MEAF6: variants seen among roughly 807,000 people sequenced by gnomAD.
The protein encoded by MEAF6 is MYST/Esa1 associated factor 6.
In MEAF6, 15 loss-of-function variants were observed where a neutral mutation model predicts 28.9. The observed-to-expected ratio is 0.52, with a 90% CI of 0.35 to 0.80. The LOEUF (loss-of-function observed/expected upper bound fraction) is 0.80. MEAF6 is among the 30% of genes least tolerant of loss of function. MEAF6 has a pLI of 0.01. For synonymous variants in MEAF6, 97 were observed against 88.7 expected (o/e 1.09, Z -0.53); for missense variants, 178 against 237.5 (o/e 0.75, Z 1.65).
chr1:37,508,191 A>C (rs570253595), intron 4 of MEAF6, among the ~76,000 whole-genome samples: 1 of 151,476 alleles, frequency 6.6e-6, no homozygotes, highest in South Asian at 2.1e-4. Flanking sequence ...ATAAGATATA[A>C]TTCGTTTACA....
At position 37,494,227 on chromosome 1, in the gene MEAF6, T is replaced by C. The variant is rs1369021013; in HGVS notation, c.568-120A>G. 4 of 859,336 alleles carry C rather than the reference T, an allele frequency of 4.7e-6. 1 individual carries two copies. The African/African-American group carries it at 6.8e-5, about 15-fold the overall frequency. 53.2% of individuals were successfully genotyped at this position (859,336 alleles called of 1,614,324 possible). A position where few individuals can be genotyped will look rare whatever the true frequency, so the allele number is the denominator to read the frequency against. ...GGGACTGCTCTATAGCTAAAGATTATATTTCAGGCCAGGCACAGTGGCTCA... is the reference window on the plus strand; with the variant it reads ...GGGACTGCTCTATAGCTAAAGATTACATTTCAGGCCAGGCACAGTGGCTCA... On this transcript the variant is annotated intron_variant, in intron 6 of 6. Coordinates refer to ENST00000296214, the MANE Select transcript of MEAF6 (RefSeq NM_001270875.3).
At chr1:37,510,976 T>A (rs1642651294) in intron 2 of MEAF6, among the ~76,000 whole-genome samples, 1 of 152,158 alleles carries the variant, frequency 6.6e-6, no homozygotes, top group Non-Finnish European at 1.5e-5. Flanking sequence ...CGCCTCGGCC[T>A]CCCAAAGTGC....
chr1:37,511,560 A>G (rs1642671779), intron 2 of MEAF6, among the ~76,000 whole-genome samples: 1 of 152,232 alleles, frequency 6.6e-6, no homozygotes, highest in African/African-American at 2.4e-5. Context: ...TATAGCAGAT[A>G]AATCATATGA....
In MEAF6 at chr1:37,509,560, C is replaced by T; in HGVS notation, c.207-18G>A. On this transcript the variant is annotated intron_variant, in intron 2 of 6. Transcript: ENST00000296214. ...TGGAGTTTCTAAAACACAGAAGAAA[C>T]TCATTATGAGCACCAAGCTATGTCT... 1 of 1,606,796 alleles carries T rather than the reference C, an allele frequency of 6.2e-7. No individual in the cohort carries two copies. The highest frequency in any genetic ancestry group is 2.2e-5 in the East Asian group (1 of 44,832).
At chr1:37,503,134 AC>A (rs1642369237) in intron 4 of MEAF6, among the ~76,000 whole-genome samples, 1 of 146,244 alleles carries the variant, frequency 6.8e-6, no homozygotes, top group African/African-American at 2.6e-5. Flanking sequence ...ATGGGGTCTT[AC>A]TATGTTGCCC....
Position 37,492,706 on chromosome 1 carries a change from TTCTTACAAAGATATAGGCATAAGTC to T in MEAF6, c.*1368_*1392del, listed in dbSNP as rs1178349790. 1 of 152,612 alleles carries T rather than the reference TTCTTACAAAGATATAGGCATAAGTC, an allele frequency of 6.6e-6. No homozygotes were observed. Among genetic ancestry groups the T allele is most frequent in the Non-Finnish European group, 1.5e-5 (1 of 68,036 alleles). 9.5% of individuals were successfully genotyped at this position (152,612 alleles called of 1,614,324 possible). On this transcript the variant is annotated 3_prime_UTR_variant, in exon 7 of 7. Coordinates refer to ENST00000296214, the MANE Select transcript of MEAF6 (RefSeq NM_001270875.3). ...TACTATCACAAATGAAACATACTAT[TTCTTACAAAGATATAGGCATAAGTC>T]AAGGACTATGACTAACTAGAGTGAA... is the stretch of plus-strand genomic sequence containing the variant.
rs1642117867 is a variant in MEAF6 at position 37,495,890 on chromosome 1, G to A, written c.562C>T (p.Arg188Ter). 1.9e-6 allele frequency: 3 copies of A among 1,613,912 alleles called. No homozygotes were observed. The highest frequency in any genetic ancestry group is 2.5e-6 in the Non-Finnish European group (3 of 1,179,926). Residue 188 changes from arginine to a stop codon, truncating the protein, a stop_gained, in exon 6 of 7, where the codon CGA becomes TGA. Transcript: ENST00000296214. LOFTEE classifies it high-confidence loss of function. ...RIDLKLNKKP[R>*]ADY ...GTGGTCCGGCTGATACTTACAGCTCGTGGTTTTTTGTTTAACTTCAGATCA... is the reference window on the plus strand; with the variant it reads ...GTGGTCCGGCTGATACTTACAGCTCATGGTTTTTTGTTTAACTTCAGATCA...
At position 37,492,771 on chromosome 1, in the gene MEAF6, C is replaced by T. The variant is rs1230277130; in HGVS notation, c.*1328G>A. Reference sequence around the variant, plus strand: ...ACTAGAGTGAAAGGAAAGGTTAGACCCCAAATCTTATCCCTTAGACCAATC... The same window carrying T: ...ACTAGAGTGAAAGGAAAGGTTAGACTCCAAATCTTATCCCTTAGACCAATC... On this transcript the variant is annotated 3_prime_UTR_variant, in exon 7 of 7. Transcript: ENST00000296214. 1 of 152,456 alleles carries T rather than the reference C, an allele frequency of 6.6e-6. No individual in the cohort carries two copies. Among genetic ancestry groups the T allele is most frequent in the Non-Finnish European group, 1.5e-5 (1 of 68,008 alleles). 9.4% of individuals were successfully genotyped at this position (152,456 alleles called of 1,614,324 possible).
chr1:37,502,305 G>A (rs1176201791), intron 4 of MEAF6, among the ~76,000 whole-genome samples: 5 of 152,168 alleles, frequency 3.3e-5, no homozygotes, highest in Non-Finnish European at 7.4e-5. Flanking sequence ...TGAACACTTG[G>A]CCTCAAACCA....
chr1:37,490,597 T>C lies in MEAF6; in HGVS notation c.*3502A>G, dbSNP rs1363101544. On this transcript the variant is annotated 3_prime_UTR_variant, in exon 7 of 7. Coordinates refer to ENST00000296214, the MANE Select transcript of MEAF6 (RefSeq NM_001270875.3). ...TACTCAGGCTGAAGTGCAGTGGCCATTCACAGAAATGATCATAGCATACTG... is the reference window on the plus strand; with the variant it reads ...TACTCAGGCTGAAGTGCAGTGGCCACTCACAGAAATGATCATAGCATACTG... Among the ~76,000 whole-genome samples the C allele has an allele frequency of 2.6e-5, 4 of 152,142 alleles. No individual in the cohort carries two copies. The highest frequency in any genetic ancestry group is 9.7e-5 in the African/African-American group (4 of 41,442).
chr1:37,490,790 G>A lies in MEAF6; in HGVS notation c.*3309C>T, dbSNP rs1641902463. ...GCCTGTAATCCTAGCACTTTGGGAG[G>A]CTGAGGCAGGTGGATTACGAAGTCA... is the stretch of plus-strand genomic sequence containing the variant. On this transcript the variant is annotated 3_prime_UTR_variant, in exon 7 of 7. Transcript: ENST00000296214. Among the ~76,000 whole-genome samples the A allele has an allele frequency of 6.6e-6, 1 of 152,162 alleles. No homozygotes were observed. Among genetic ancestry groups the A allele is most frequent in the African/African-American group, 2.4e-5 (1 of 41,434 alleles).
chr1:37,502,543 A>G (rs1642345861), intron 4 of MEAF6, among the ~76,000 whole-genome samples: 1 of 141,110 alleles, frequency 7.1e-6, no homozygotes, highest in South Asian at 2.2e-4. Flanking sequence ...TAAGTTTTCC[A>G]TTGTTTTTTC....
At chr1:37,507,003 G>T (rs1222734833) in intron 4 of MEAF6, among the ~76,000 whole-genome samples, 1 of 152,156 alleles carries the variant, frequency 6.6e-6, no homozygotes, top group African/African-American at 2.4e-5. Flanking sequence ...GCTAAGCCAG[G>T]GCAAGATTAC....
At chr1:37,508,403 C>G (rs538626347) in intron 4 of MEAF6, among the ~76,000 whole-genome samples, 1 of 149,146 alleles carries the variant, frequency 6.7e-6, no homozygotes, top group Non-Finnish European at 1.5e-5. Context: ...CTCAGCCTCT[C>G]TAATAGCTGG....
Position 37,509,550 on chromosome 1 carries a change from A to G in MEAF6, c.207-8T>C, listed in dbSNP as rs779920952. 1.9e-6 allele frequency: 3 copies of G among 1,611,208 alleles called. No individual in the cohort carries two copies. The highest frequency in any genetic ancestry group is 1.7e-4 in the Middle Eastern group (1 of 6,044). On this transcript the variant is annotated splice_region_variant and splice_polypyrimidine_tract_variant and intron_variant, in intron 2 of 6. Coordinates refer to ENST00000296214, the MANE Select transcript of MEAF6 (RefSeq NM_001270875.3). ...TTTTTGCTATTGGAGTTTCTAAAAC[A>G]CAGAAGAAACTCATTATGAGCACCA...
At chr1:37,514,532 C>A in intron 1 of MEAF6, 125 bp downstream of exon 1, 1 of 618,272 alleles carries the variant, frequency 1.6e-6, no homozygotes, top group Non-Finnish European at 2.4e-6. Context: ...CTCAGGCCGC[C>A]GAGCACCCGG....
intron 2 of MEAF6, among the ~76,000 whole-genome samples, chr1:37,509,966 G>A (rs557059997): frequency 8.6e-5 from 13 of 151,942 alleles, no homozygotes; most frequent in South Asian, 4.2e-4. Flanking sequence ...TAGTAGAGAC[G>A]GGGTTTTGCC....
At chr1:37,496,215 G>A (rs528186187) in intron 5 of MEAF6, among the ~76,000 whole-genome samples, 1 of 152,282 alleles carries the variant, frequency 6.6e-6, no homozygotes, top group Admixed American at 6.5e-5. Context: ...ATGTTAAAAA[G>A]ACTGAAGTAA....
At chr1:37,498,824 G>C (rs1032272138) in intron 5 of MEAF6, among the ~76,000 whole-genome samples, 2 of 152,112 alleles carry the variant, frequency 1.3e-5, no homozygotes, top group African/African-American at 2.4e-5. Flanking sequence ...AGAACAATGT[G>C]ATCACTTATG....
Sources: gnomAD v4.1 joint callset for allele counts (sites outside exome capture counted in the v4.1 genomes callset) on GRCh38, gnomAD v4.1.1 for gene constraint, MANE v1.5 for transcripts, NCBI Gene and HGNC (gene_info 2026-07-23, HGNC 2026-07-21) for gene names.